TTLL8: variants seen among roughly 807,000 people sequenced by gnomAD.
TTLL8 encodes protein monoglycylase TTLL8.
Under a neutral mutation model 77.8 loss-of-function variants are expected in TTLL8, and 65 were observed. That is an observed-to-expected ratio of 0.84 (90% CI 0.68 to 1.03). The LOEUF (loss-of-function observed/expected upper bound fraction) is 1.03. Ranked by LOEUF, TTLL8 falls within the 50% of genes least tolerant of loss-of-function variation. The pLI, the probability that TTLL8 is intolerant of heterozygous loss-of-function variation, is 0.00. For missense variants in TTLL8, 910 were observed against 1,004.5 expected, an observed-to-expected ratio of 0.91 and a Z score of 1.27; for synonymous variants, 402 against 422.8, an observed-to-expected ratio of 0.95 and a Z score of 0.60.
chr22:50,046,845 C>T (rs1430019557), intron 4 of TTLL8, among the ~76,000 whole-genome samples: 1 of 152,198 alleles, frequency 6.6e-6, no homozygotes, highest in African/African-American at 2.4e-5. Context: ...AGCGGCACCT[C>T]TTCCCCTGGG....
rs987560861 is a variant in TTLL8, at chr22:50,020,296, C to T, written c.2204-3734G>A. ...TGCACTCCTCCATCTGATGTGCACT[C>T]CTCCATCTGACGTGCACTCCTCCAT... On this transcript the variant is annotated intron_variant, in intron 12 of 13. Coordinates refer to ENST00000266182, the Ensembl canonical transcript of TTLL8. Among the ~76,000 whole-genome samples the T allele has an allele frequency of 8.7e-5, 13 of 149,024 alleles. No homozygotes were observed. In the East Asian group the frequency reaches 1.6e-3, roughly 19 times the overall value.
At chr22:50,037,362 C>T (rs563358505) in intron 8 of TTLL8, among the ~76,000 whole-genome samples, 2 of 152,056 alleles carry the variant, frequency 1.3e-5, no homozygotes, top group Non-Finnish European at 2.9e-5. Context: ...CACGCACCAC[C>T]GCGCCCAGCT....
chr22:50,025,792 A>C (rs1288379297), intron 12 of TTLL8, among the ~76,000 whole-genome samples: 1 of 152,246 alleles, frequency 6.6e-6, no homozygotes, highest in African/African-American at 2.4e-5. Flanking sequence ...CAAAGTGCTC[A>C]GCATGGCTAG....
At position 50,034,847 on chromosome 22, in the gene TTLL8, G is replaced by C. The variant is rs2061324984; in HGVS notation, c.922-385C>G. On this transcript the variant is annotated intron_variant, in intron 8 of 13. Coordinates refer to ENST00000266182, the Ensembl canonical transcript of TTLL8. This position sits in a 1 kb window ranked among gnomAD's most constrained non-coding sequence, Gnocchi z 4.1. The stretch of plus-strand genomic sequence containing the variant: ...AACGTGGGAGACACAGGCGGGGGCA[G>C]ACGCAGCCATGCCCAGCTTCCGCCT... 1.3e-5 allele frequency among the ~76,000 whole-genome samples: 2 copies of C among 152,224 alleles called. No individual in the cohort carries two copies. Among genetic ancestry groups the C allele is most frequent in the Non-Finnish European group, 2.9e-5 (2 of 68,036 alleles).
chr22:50,026,055 G>A (rs1206075050), intron 12 of TTLL8, among the ~76,000 whole-genome samples: 1 of 152,190 alleles, frequency 6.6e-6, no homozygotes, highest in Non-Finnish European at 1.5e-5. Flanking sequence ...AAAGGCACAT[G>A]TCCCCGTAAA....
rs754723662 is a variant in TTLL8 at position 50,045,867 on chromosome 22, T to G, written c.497A>C (p.Gln166Pro). The change falls in exon 5 of 14, where the codon CAG becomes CCG. Residue 166 changes from glutamine to proline, a missense_variant. Gln to Pro is a moderately conservative substitution (Grantham distance 76). Around this residue, in one of 2 missense-constraint regions of TTLL8, gnomAD observed 776 missense variants for 926.1 expected, o/e 0.84. Transcript: ENST00000266182. ...GTCTCCTCACTTACCCAGGAACTCC[T>G]GCTGCTCACTCTCGGTGCAGAGGCT... 6 of 1,352,478 alleles carry G rather than the reference T, an allele frequency of 4.4e-6. No homozygotes were observed. In the South Asian group the frequency reaches 7.0e-5, roughly 16 times the overall value. The allele number at this position is 1,352,478 out of a possible 1,614,324, so 83.8% of individuals were successfully genotyped here.
At chr22:50,040,499 T>C (rs1211203103) in intron 8 of TTLL8, among the ~76,000 whole-genome samples, 6 of 152,374 alleles carry the variant, frequency 3.9e-5, no homozygotes, top group South Asian at 4.1e-4. Flanking sequence ...CAGAATGGGT[T>C]GTGACCCCTG....
At chr22:50,031,041 A>T in intron 11 of TTLL8, 116 bp from the exon 13 acceptor site, 1 of 895,482 alleles carries the variant, frequency 1.1e-6, no homozygotes, top group Non-Finnish European at 1.5e-6. Flanking sequence ...CTGACTCAGG[A>T]GTGAACAGTG....
intron 5 of TTLL8, 121 bp downstream of exon 7, chr22:50,045,735 G>T: frequency 8.2e-7 from 1 of 1,217,656 alleles, no homozygotes; most frequent in South Asian, 1.4e-5. Context: ...GACCATGGGA[G>T]GCCTCTCCCC....
chr22:50,036,252 G>A (rs917337893), intron 8 of TTLL8, among the ~76,000 whole-genome samples: 3 of 152,198 alleles, frequency 2.0e-5, no homozygotes, highest in Admixed American at 2.0e-4. Context: ...TCCCCTGGAC[G>A]CCCACCCTCC....
At chr22:50,027,350 A>T (rs944814101) in intron 12 of TTLL8, among the ~76,000 whole-genome samples, 2 of 151,194 alleles carry the variant, frequency 1.3e-5, no homozygotes, top group African/African-American at 4.9e-5. Context: ...CCTGGCCAAC[A>T]TGGTGAAACT....
At position 50,044,082 on chromosome 22, in the gene TTLL8, T is replaced by C. The variant is rs537278462; in HGVS notation, c.643+1173A>G. ...GATCAAGCCTGTAATCCCAGCACTG[T>C]GGGAGGCCGAGGTGGGCGGATCACC... On this transcript the variant is annotated intron_variant, in intron 6 of 13. Coordinates refer to ENST00000266182, the Ensembl canonical transcript of TTLL8. This position sits in a 1 kb window ranked among gnomAD's most constrained non-coding sequence, Gnocchi z 4.2. Among the ~76,000 whole-genome samples the C allele has an allele frequency of 3.3e-5, 5 of 152,222 alleles. No homozygotes were observed. Among genetic ancestry groups the C allele is most frequent in the Admixed American group, 1.3e-4 (2 of 15,292 alleles).
exon 10 of TTLL8, chr22:50,033,267 G>A (rs6010233): frequency 1.5e-6 from 2 of 1,361,236 alleles, no homozygotes; most frequent in Non-Finnish European, 2.0e-6. Context: ...TGTAGAACCA[G>A]ATGGTCAGGG....
At chr22:50,029,668 C>T (rs1180383490) in intron 12 of TTLL8, among the ~76,000 whole-genome samples, 19 of 152,240 alleles carry the variant, frequency 1.2e-4, no homozygotes, top group African/African-American at 1.9e-4. Flanking sequence ...GAGGCGGAGG[C>T]TGCAGTGAGC....
intron 1 of TTLL8, among the ~76,000 whole-genome samples, chr22:50,053,615 A>G (rs1042832993): frequency 1.3e-5 from 2 of 152,222 alleles, no homozygotes; most frequent in African/African-American, 4.8e-5. Context: ...AAATCTGAAA[A>G]TTAATGAGCG....
intron 12 of TTLL8, among the ~76,000 whole-genome samples, chr22:50,021,849 G>T: frequency 6.8e-6 from 1 of 147,342 alleles, no homozygotes; most frequent in South Asian, 2.2e-4. Flanking sequence ...TCCTCCATCT[G>T]ATATGCACTC....
At chr22:50,027,695 G>A (rs1053958424) in intron 12 of TTLL8, 16 of 985,418 alleles carry the variant, frequency 1.6e-5, no homozygotes, top group South Asian at 9.4e-5. Flanking sequence ...TGACCCTGTC[G>A]CCGCAGGCCT....
upstream of TTLL8, chr22:50,057,065 G>T (rs2061474604): frequency 1.1e-6 from 1 of 914,680 alleles, no homozygotes; most frequent in Admixed American, 2.4e-5. Context: ...CTGAGGGTCA[G>T]GTCTGGGGTT....
At chr22:50,048,146 A>AAAT (rs2061423988) in intron 3 of TTLL8, among the ~76,000 whole-genome samples, 2 of 128,376 alleles carry the variant, frequency 1.6e-5, no homozygotes, top group East Asian at 4.2e-4. Context: ...GTGTGTGTGT[A>AAAT]AATAATAGCA....
Sources: gnomAD v4.1 joint callset for allele counts (sites outside exome capture counted in the v4.1 genomes callset) on GRCh38, gnomAD v4.1.1 for gene constraint, gnomAD v4.1.1 regional missense constraint, Gnocchi (gnomAD v3.1) non-coding constraint, MANE v1.5 for transcripts, NCBI Gene and HGNC (gene_info 2026-07-23, HGNC 2026-07-21) for gene names.